Variants in WDR70 observed in about 807,000 individuals in gnomAD.
The protein encoded by WDR70 is WD repeat domain 70, also known as WD repeat-containing protein 70.
Under a neutral mutation model 88.6 loss-of-function variants are expected in WDR70, and 53 were observed. The observed-to-expected ratio is 0.60, with a 90% CI of 0.48 to 0.75. The LOEUF is 0.75. Ranked by LOEUF, WDR70 falls within the 30% of genes least tolerant of loss-of-function variation. WDR70 has a pLI of 0.00. For synonymous variants in WDR70, 280 were observed against 270.0 expected, an observed-to-expected ratio of 1.04 and a Z score of -0.36; for missense variants, 610 against 823.2, an observed-to-expected ratio of 0.74 and a Z score of 3.17.
At chr5:37,639,185 A>G (rs549141112) in intron 10 of WDR70, among the ~76,000 whole-genome samples, 57 of 152,348 alleles carry the variant, frequency 3.7e-4, no homozygotes, top group African/African-American at 1.3e-3. Flanking sequence ...TTTAAGAATT[A>G]TAACAATATG....
At chr5:37,594,139 G>A (rs1743625016) in intron 9 of WDR70, among the ~76,000 whole-genome samples, 1 of 151,892 alleles carries the variant, frequency 6.6e-6, no homozygotes, top group South Asian at 2.1e-4. Flanking sequence ...CCGTATGGAA[G>A]CTCTTTAATT....
intron 7 of WDR70, among the ~76,000 whole-genome samples, chr5:37,469,083 G>A (rs1319107867): frequency 3.3e-5 from 5 of 152,192 alleles, no homozygotes; most frequent in South Asian, 2.1e-4. Flanking sequence ...GGTAAGTACC[G>A]TGGAGAAGTA....
At chr5:37,554,837 T>C (rs887547973) in intron 9 of WDR70, among the ~76,000 whole-genome samples, 3 of 152,080 alleles carry the variant, frequency 2.0e-5, no homozygotes, top group African/African-American at 7.2e-5. Context: ...CTCTCGAGTA[T>C]TGGGACTACA....
At chr5:37,505,684 A>T in intron 8 of WDR70, 1 of 889,230 alleles carries the variant, frequency 1.1e-6, no homozygotes, top group South Asian at 1.3e-5. Flanking sequence ...AGCCCCTAAA[A>T]TTCTCATCTG....
rs1740894796 is a variant in WDR70 at position 37,516,681 on chromosome 5, T to C, written c.917+91T>C. ...TGTTACAATCTTGGCAGTAATGTAG[T>C]AAGTGGAATATTAGGAATTCTTATT... On this transcript the variant is annotated intron_variant, in intron 9 of 17. Transcript: ENST00000265107. 7.0e-6 allele frequency: 4 copies of C among 570,054 alleles called. No individual in the cohort carries two copies. The South Asian group carries it at 1.5e-4, about 22-fold the overall frequency. 35.3% of individuals were successfully genotyped at this position (570,054 alleles called of 1,614,324 possible).
intron 3 of WDR70, among the ~76,000 whole-genome samples, chr5:37,386,536 C>T (rs1404425314): frequency 6.6e-6 from 1 of 152,122 alleles, no homozygotes; most frequent in Middle Eastern, 3.2e-3. Context: ...CCATGTTGGC[C>T]AGGCTTATCT....
At chr5:37,564,496 C>T (rs991108778) in intron 9 of WDR70, among the ~76,000 whole-genome samples, 4 of 150,086 alleles carry the variant, frequency 2.7e-5, no homozygotes, top group Admixed American at 6.7e-5. Flanking sequence ...AGCTTTGGGT[C>T]GGCATCAGGG....
At chr5:37,610,860 T>A (rs944870742) in intron 10 of WDR70, among the ~76,000 whole-genome samples, 2 of 152,148 alleles carry the variant, frequency 1.3e-5, no homozygotes, top group Non-Finnish European at 1.5e-5. Context: ...GTTCATAGTT[T>A]ACTAAACAAA....
chr5:37,510,153 A>G (rs1470814934), intron 8 of WDR70, among the ~76,000 whole-genome samples: 1 of 152,176 alleles, frequency 6.6e-6, no homozygotes, highest in Non-Finnish European at 1.5e-5. Flanking sequence ...CTGTAAATTA[A>G]AAGGGGTGTA....
chr5:37,735,738 G>A (rs949415535), intron 17 of WDR70, among the ~76,000 whole-genome samples: 3 of 152,092 alleles, frequency 2.0e-5, no homozygotes, highest in Non-Finnish European at 4.4e-5. Flanking sequence ...GGATCTTTTC[G>A]TAAAGGTCAC....
intron 12 of WDR70, 150 bp downstream of exon 12, chr5:37,701,292 A>G (rs955783904): frequency 2.6e-5 from 14 of 547,828 alleles, no homozygotes; most frequent in Non-Finnish European, 4.4e-5. Flanking sequence ...AAAAATATGT[A>G]TTTTTTTTAT....
At chr5:37,446,341 T>G (rs201762559) in intron 7 of WDR70, among the ~76,000 whole-genome samples, 3 of 152,064 alleles carry the variant, frequency 2.0e-5, no homozygotes, top group East Asian at 3.9e-4. Flanking sequence ...GAAGAATCAA[T>G]ATCGTGAAAA....
At chr5:37,620,518 T>C (rs1744479892) in intron 10 of WDR70, among the ~76,000 whole-genome samples, 1 of 152,194 alleles carries the variant, frequency 6.6e-6, no homozygotes, top group African/African-American at 2.4e-5. Flanking sequence ...ACATTTTATA[T>C]TGTGACTGAC....
chr5:37,402,288 A>G (rs376578156), intron 5 of WDR70, among the ~76,000 whole-genome samples: 21 of 109,798 alleles, frequency 1.9e-4, no homozygotes, highest in African/African-American at 7.0e-4. Flanking sequence ...TTAGCCAGAT[A>G]GTATTTGTGT....
chr5:37,647,022 G>A (rs899131774), intron 10 of WDR70, among the ~76,000 whole-genome samples: 4 of 152,032 alleles, frequency 2.6e-5, no homozygotes, highest in Admixed American at 2.0e-4. Context: ...TTTTGAGGCT[G>A]TTTTCTAGAT....
intron 9 of WDR70, among the ~76,000 whole-genome samples, chr5:37,549,140 A>T (rs768986006): frequency 1.3e-5 from 2 of 152,204 alleles, no homozygotes; most frequent in African/African-American, 2.4e-5. Flanking sequence ...TTGTGGTTCC[A>T]TGTAAATTTT....
intron 13 of WDR70, among the ~76,000 whole-genome samples, chr5:37,703,543 C>T (rs922894867): frequency 1.4e-4 from 21 of 152,196 alleles, no homozygotes; most frequent in African/African-American, 4.3e-4. Flanking sequence ...GCTCAGCTTG[C>T]GCTGAACTTA....
chr5:37,399,428 A>AT (rs1008619792), intron 5 of WDR70, among the ~76,000 whole-genome samples: 1 of 151,662 alleles, frequency 6.6e-6, no homozygotes. Context: ...TCAAAAAAAA[A>AT]TTTTTTTTTC....
In WDR70 at chr5:37,479,729, A is replaced by G. The variant is rs1739600386; in HGVS notation, c.687-105A>G. 1.5e-5 allele frequency: 19 copies of G among 1,305,510 alleles called. No individual in the cohort carries two copies. In the East Asian group the frequency reaches 3.3e-4, roughly 22 times the overall value. 80.9% of individuals were successfully genotyped at this position (1,305,510 alleles called of 1,614,324 possible). A position where few individuals can be genotyped will look rare whatever the true frequency, so the allele number is the denominator to read the frequency against. ...TGTTCCTGATTTTGTGGAATTATCA[A>G]TTTGTCCATTTGTGTAACATTTTTT... On this transcript the variant is annotated intron_variant, in intron 7 of 17. Coordinates refer to ENST00000265107, the MANE Select transcript of WDR70 (RefSeq NM_018034.4).
Sources: gnomAD v4.1 joint callset for allele counts (sites outside exome capture counted in the v4.1 genomes callset) on GRCh38, gnomAD v4.1.1 for gene constraint, MANE v1.5 for transcripts, NCBI Gene and HGNC (gene_info 2026-07-23, HGNC 2026-07-21) for gene names.